DOCK8: variants seen among roughly 807,000 people sequenced by gnomAD.
DOCK8 encodes dedicator of cytokinesis protein 8.
DOCK8 carries 141 observed loss-of-function variants against 245.6 expected under a neutral mutation model. The ratio of observed to expected loss-of-function variants is 0.57; its 90% CI spans 0.50 to 0.66. The LOEUF is 0.66. DOCK8 is among the 30% of genes least tolerant of loss of function. DOCK8 has a pLI of 0.00. For synonymous variants in DOCK8, 1,168 were observed against 970.2 expected, an observed-to-expected ratio of 1.20 and a Z score of -3.79; for missense variants, 2,965 against 2,603.4, an observed-to-expected ratio of 1.14 and a Z score of -3.02.
chr9:272,583 C>T (rs370375407), intron 2 of DOCK8, among the ~76,000 whole-genome samples: 5 of 152,092 alleles, frequency 3.3e-5, no homozygotes, highest in African/African-American at 7.2e-5. Flanking sequence ...ACAGGGGTCT[C>T]GCTATGTTGC....
chr9:332,603 T>C lies in DOCK8; in HGVS notation c.1125+125T>C, dbSNP rs2051069711. On this transcript the variant is annotated intron_variant, in intron 10 of 47. Transcript: ENST00000432829. ...GTCCCTATATAAGACACTACTACATTTTAATTAAATAAAAGAGGAAAAGAA... is the reference window on the plus strand; with the variant it reads ...GTCCCTATATAAGACACTACTACATCTTAATTAAATAAAAGAGGAAAAGAA... 3 of 562,478 alleles carry C rather than the reference T, an allele frequency of 5.3e-6. No homozygotes were observed. The South Asian group carries it at 6.6e-5, about 12-fold the overall frequency. The allele number at this position is 562,478 out of a possible 1,614,324, so 34.8% of individuals were successfully genotyped here. A position where few individuals can be genotyped will look rare whatever the true frequency, so the allele number is the denominator to read the frequency against.
In DOCK8 at chr9:240,927, T is replaced by G. The variant is rs192271597; in HGVS notation, c.53+25898T>G. Among the ~76,000 whole-genome samples the G allele has an allele frequency of 1.3e-3, 197 of 151,680 alleles. 2 individuals are homozygous for G. Among genetic ancestry groups the G allele is most frequent in the African/African-American group, 4.7e-3 (193 of 40,970 alleles). On this transcript the variant is annotated intron_variant, in intron 1 of 47. Transcript: ENST00000432829. Reference sequence around the variant, plus strand: ...GAGTGAGACTATGTGGAAATTACCATACACATGTTTAAAAAATATTGTTTC... The same window carrying G: ...GAGTGAGACTATGTGGAAATTACCAGACACATGTTTAAAAAATATTGTTTC...
intron 1 of DOCK8, among the ~76,000 whole-genome samples, chr9:265,120 C>CG (rs1393571427): frequency 4.6e-5 from 7 of 152,098 alleles, no homozygotes; most frequent in East Asian, 1.9e-4. Context: ...TTAGTAGAGA[C>CG]GGGGTCTCAC....
At chr9:326,065 C>G (rs972925226) in intron 8 of DOCK8, among the ~76,000 whole-genome samples, 1 of 152,204 alleles carries the variant, frequency 6.6e-6, no homozygotes, top group Non-Finnish European at 1.5e-5. Flanking sequence ...GTAAAGCTTC[C>G]TCAGTTTGAG....
Position 372,251 on chromosome 9 carries a change from A to G in DOCK8, c.2074A>G (p.Lys692Glu). ...GSYCLPVALE[K>E]LPPNYSMHSA... ...CTACTGTCTCCCAGTTGCCTTGGAAAAATTGCCACCCAACTACTCCATGCA... is the reference window on the plus strand; with the variant it reads ...CTACTGTCTCCCAGTTGCCTTGGAAGAATTGCCACCCAACTACTCCATGCA... Residue 692 changes from lysine to glutamate, a missense_variant, in exon 18 of 48, where the codon AAA (lysine) becomes GAA (glutamate). Physicochemically the swap from Lys to Glu is moderately conservative, Grantham distance 56. Coordinates refer to ENST00000432829, the MANE Select transcript of DOCK8 (RefSeq NM_203447.4). The G allele has an allele frequency of 1.2e-6, 2 of 1,614,136 alleles. No individual in the cohort carries two copies. Among genetic ancestry groups the G allele is most frequent in the Non-Finnish European group, 1.7e-6 (2 of 1,180,030 alleles).
At chr9:280,627 A>G (rs2048538106) in intron 2 of DOCK8, among the ~76,000 whole-genome samples, 1 of 152,188 alleles carries the variant, frequency 6.6e-6, no homozygotes. Flanking sequence ...AGTCAGGCCC[A>G]CCCAGGGGAA....
At chr9:336,151 C>T (rs1005547358) in intron 11 of DOCK8, among the ~76,000 whole-genome samples, 2 of 152,178 alleles carry the variant, frequency 1.3e-5, no homozygotes, top group African/African-American at 4.8e-5. Context: ...ACAGGCTGAC[C>T]CCAGCATGTT....
chr9:382,796 G>C, intron 22 of DOCK8, 111 bp downstream of exon 22: 2 of 1,412,684 alleles, frequency 1.4e-6, no homozygotes, highest in South Asian at 2.5e-5. Flanking sequence ...ATGCTGGTCG[G>C]ATGCTTTAAT....
At chr9:452,185 G>A in intron 46 of DOCK8, 68 bp downstream of exon 46, 1 of 1,008,778 alleles carries the variant, frequency 9.9e-7, no homozygotes, top group South Asian at 1.3e-5. Context: ...TAGACCAGCA[G>A]CTTCAGCATC....
intron 14 of DOCK8, among the ~76,000 whole-genome samples, chr9:345,515 C>G (rs1045930172): frequency 1.3e-5 from 2 of 152,168 alleles, no homozygotes; most frequent in Non-Finnish European, 2.9e-5. Flanking sequence ...CAGTGGTAAC[C>G]AGAGTCACAC....
intron 1 of DOCK8, among the ~76,000 whole-genome samples, chr9:224,868 A>T (rs969754733): frequency 3.9e-5 from 6 of 152,178 alleles, no homozygotes; most frequent in Admixed American, 1.3e-4. Flanking sequence ...GGAGTCCCTT[A>T]TCTGCTGGTT....
chr9:213,515 C>G (rs1325607713), upstream of DOCK8: 3 of 151,996 alleles, frequency 2.0e-5, no homozygotes, highest in Non-Finnish European at 2.9e-5. Flanking sequence ...TTTTTATATC[C>G]AAAGTATCAT....
chr9:250,189 T>C (rs1331233652), intron 1 of DOCK8, among the ~76,000 whole-genome samples: 1 of 152,204 alleles, frequency 6.6e-6, no homozygotes, highest in African/African-American at 2.4e-5. Flanking sequence ...AAGAGAGGGC[T>C]GAGTTGTTTG....
chr9:436,461 T>G (rs1218338809), intron 39 of DOCK8, among the ~76,000 whole-genome samples: 1 of 152,222 alleles, frequency 6.6e-6, no homozygotes, highest in African/African-American at 2.4e-5. Flanking sequence ...TCCCAGGAAA[T>G]TGTAAGGTTT....
intron 1 of DOCK8, among the ~76,000 whole-genome samples, chr9:234,514 C>T (rs981925937): frequency 2.0e-5 from 3 of 152,176 alleles, no homozygotes; most frequent in Non-Finnish European, 4.4e-5. Context: ...TTCCATTCTC[C>T]CTGTCACTTT....
At chr9:264,183 G>C (rs1319665952) in intron 1 of DOCK8, among the ~76,000 whole-genome samples, 1 of 152,262 alleles carries the variant, frequency 6.6e-6, no homozygotes, top group Admixed American at 6.5e-5. Flanking sequence ...TTCATCAGCA[G>C]ATGGTGATTA....
intron 1 of DOCK8, among the ~76,000 whole-genome samples, chr9:253,716 C>T (rs11794107): frequency 0.1 from 15,227 of 152,180 alleles, 858 homozygotes; most frequent in African/African-American, 0.15. Flanking sequence ...TGGCTTTGTG[C>T]CCAACATGTG....
intron 2 of DOCK8, among the ~76,000 whole-genome samples, chr9:275,424 G>A (rs12343328): frequency 0.026 from 3,987 of 152,200 alleles, 157 homozygotes; most frequent in African/African-American, 0.091. Context: ...AAGACTTAGA[G>A]TAAGGGTTCT....
intron 2 of DOCK8, among the ~76,000 whole-genome samples, chr9:285,505 C>T (rs984799558): frequency 7.2e-5 from 11 of 152,112 alleles, no homozygotes; most frequent in African/African-American, 2.7e-4. Flanking sequence ...ACTCCAAAGA[C>T]TGCCATAAAT....
Sources: allele counts gnomAD v4.1 joint callset (sites outside exome capture counted in the v4.1 genomes callset), GRCh38; gene constraint gnomAD v4.1.1; transcripts MANE v1.5; gene names NCBI Gene and HGNC (gene_info 2026-07-23, HGNC 2026-07-21).